Variants in SPOCK3 observed in about 807,000 individuals in gnomAD.
The protein encoded by SPOCK3 is SPARC (osteonectin), cwcv and kazal like domains proteoglycan 3.
Under a neutral mutation model 56.6 loss-of-function variants are expected in SPOCK3, and 30 were observed. The ratio of observed to expected loss-of-function variants is 0.53; its 90% CI spans 0.40 to 0.72. The LOEUF is 0.72. Among genes scored for constraint, SPOCK3 ranks in the 30% least tolerant of loss-of-function variants. The probability of loss-of-function intolerance (pLI) is 0.00; values close to 1 mark genes in which losing one functional copy is unlikely to be tolerated. For missense variants in SPOCK3, 527 were observed against 530.0 expected, an observed-to-expected ratio of 0.99 and a Z score of 0.06; for synonymous variants, 196 against 183.3, an observed-to-expected ratio of 1.07 and a Z score of -0.56.
At chr4:166,843,046 C>T (rs1353433599) in intron 6 of SPOCK3, among the ~76,000 whole-genome samples, 6 of 152,232 alleles carry the variant, frequency 3.9e-5, no homozygotes, top group East Asian at 1.9e-4. Context: ...GCCTGGCGCA[C>T]CCTCCGCAGC....
intron 2 of SPOCK3, among the ~76,000 whole-genome samples, chr4:167,146,527 C>T (rs1023752454): frequency 4.6e-5 from 7 of 152,182 alleles, no homozygotes; most frequent in African/African-American, 1.2e-4. Context: ...AGCACCACAT[C>T]GCACTTATTC....
chr4:166,990,441 G>T (rs915316994), intron 4 of SPOCK3, among the ~76,000 whole-genome samples: 3 of 151,438 alleles, frequency 2.0e-5, no homozygotes, highest in Non-Finnish European at 1.5e-5. Flanking sequence ...AAAATCTAAA[G>T]AAAATAGTAA....
rs140957483 is a variant in SPOCK3, at chr4:166,913,778, G to GTC, written c.351-1037_351-1036dup. Among the ~76,000 whole-genome samples, 724 of 149,492 alleles carry GTC rather than the reference G, an allele frequency of 4.8e-3. 4 individuals are homozygous for GTC. Among genetic ancestry groups the GTC allele is most frequent in the African/African-American group, 0.014 (577 of 40,800 alleles). On this transcript the variant is annotated intron_variant, in intron 4 of 10. Coordinates refer to ENST00000357545, the MANE Select transcript of SPOCK3 (RefSeq NM_001040159.2). ...GGGCATTACACATAGATTATTTTCT[G>GTC]TCTCTCTCTCTCTCTCTCTCAAAGA...
At chr4:166,931,550 C>T (rs1228323776) in intron 4 of SPOCK3, among the ~76,000 whole-genome samples, 1 of 152,126 alleles carries the variant, frequency 6.6e-6, no homozygotes, top group African/African-American at 2.4e-5. Flanking sequence ...TCTTAATTTA[C>T]TCTATGCCTA....
intron 3 of SPOCK3, among the ~76,000 whole-genome samples, chr4:167,055,336 T>C (rs1419794231): frequency 2.0e-5 from 3 of 152,096 alleles, no homozygotes; most frequent in Admixed American, 2.0e-4. Flanking sequence ...GATGGCCAAA[T>C]AGGAACAGCT....
intron 6 of SPOCK3, among the ~76,000 whole-genome samples, chr4:166,814,562 T>G (rs1438202926): frequency 1.3e-5 from 2 of 152,104 alleles, no homozygotes; most frequent in Non-Finnish European, 2.9e-5. Flanking sequence ...GGATGTTTCC[T>G]TCTATTCCTC....
At chr4:166,948,251 T>C (rs974029339) in intron 4 of SPOCK3, among the ~76,000 whole-genome samples, 1 of 152,232 alleles carries the variant, frequency 6.6e-6, no homozygotes, top group African/African-American at 2.4e-5. Flanking sequence ...TCTTTACCCA[T>C]TTATCTGTTG....
At position 167,209,250 on chromosome 4, in the gene SPOCK3, T is replaced by C. The variant is rs553914953; in HGVS notation, c.189+24735A>G. 7.2e-5 allele frequency among the ~76,000 whole-genome samples: 11 copies of C among 152,236 alleles called. No homozygotes were observed. In the South Asian group the frequency reaches 2.3e-3, roughly 32 times the overall value. On this transcript the variant is annotated intron_variant, in intron 2 of 10. Transcript: ENST00000357545. ...GGAAATGTAGTGGTTTCTCCTGAAC[T>C]CCCAATATATCAGTTTTCTAAGTAA...
chr4:167,096,596 A>AATT (rs1189699145), intron 2 of SPOCK3, among the ~76,000 whole-genome samples: 1 of 151,816 alleles, frequency 6.6e-6, no homozygotes, highest in Non-Finnish European at 1.5e-5. Flanking sequence ...ATTTATAATA[A>AATT]ATTCTGTTAT....
chr4:166,950,642 G>C (rs933263894), intron 4 of SPOCK3, among the ~76,000 whole-genome samples: 1 of 149,918 alleles, frequency 6.7e-6, no homozygotes, highest in African/African-American at 2.5e-5. Flanking sequence ...ATTTTTTTCA[G>C]CACCACACCA....
intron 2 of SPOCK3, among the ~76,000 whole-genome samples, chr4:167,143,126 G>A (rs1055686376): frequency 7.9e-5 from 12 of 151,990 alleles, no homozygotes; most frequent in Admixed American, 3.9e-4. Context: ...CACTATTCAA[G>A]TCTTTAAAAC....
intron 4 of SPOCK3, 140 bp from the exon 5 acceptor site, chr4:166,912,883 T>C (rs1173986614): frequency 1.4e-6 from 1 of 696,046 alleles, no homozygotes; most frequent in South Asian, 2.8e-5. Flanking sequence ...TTTTAATTTA[T>C]TATTTCATGC....
chr4:166,894,643 C>T, intron 5 of SPOCK3, among the ~76,000 whole-genome samples: 1 of 152,080 alleles, frequency 6.6e-6, no homozygotes, highest in East Asian at 1.9e-4. Context: ...GTGTGCAATC[C>T]TTGTCATGTA....
chr4:167,172,689 T>C (rs988108198), intron 2 of SPOCK3, among the ~76,000 whole-genome samples: 1 of 152,188 alleles, frequency 6.6e-6, no homozygotes, highest in African/African-American at 2.4e-5. Flanking sequence ...TGACTTATAA[T>C]AAACATTTTT....
At chr4:166,832,464 G>A (rs1476760425) in intron 6 of SPOCK3, among the ~76,000 whole-genome samples, 1 of 151,914 alleles carries the variant, frequency 6.6e-6, no homozygotes, top group African/African-American at 2.4e-5. Context: ...CTTTGTTGGT[G>A]GGAATATAAA....
chr4:167,218,820 A>C (rs1735621623), intron 2 of SPOCK3, among the ~76,000 whole-genome samples: 1 of 152,138 alleles, frequency 6.6e-6, no homozygotes, highest in Non-Finnish European at 1.5e-5. Context: ...TTAGCAAAGA[A>C]AGTTAGCATA....
intron 2 of SPOCK3, among the ~76,000 whole-genome samples, chr4:167,108,304 G>A (rs1298842195): frequency 6.6e-6 from 1 of 151,864 alleles, no homozygotes; most frequent in East Asian, 1.9e-4. Flanking sequence ...CCGCTGCTAG[G>A]TACATACCCA....
Position 166,924,254 on chromosome 4 carries a change from C to T in SPOCK3, c.351-11511G>A, listed in dbSNP as rs537244236. Among the ~76,000 whole-genome samples the T allele has an allele frequency of 2.1e-4, 32 of 152,212 alleles. 1 individual carries two copies. The Middle Eastern group carries it at 0.01, about 49-fold the overall frequency. ...ATTTCTTCCCTTTGGTAGGTTCAGC[C>T]TATCAAAGACTCTTTTCTGCCCTGT... is the stretch of plus-strand genomic sequence containing the variant. On this transcript the variant is annotated intron_variant, in intron 4 of 10. Coordinates refer to ENST00000357545, the MANE Select transcript of SPOCK3 (RefSeq NM_001040159.2).
At chr4:167,030,083 TTCTA>T (rs59694023) in intron 3 of SPOCK3, among the ~76,000 whole-genome samples, 28,102 of 141,250 alleles carry the variant, frequency 0.2, 3,059 homozygotes, top group East Asian at 0.27. Context: ...TAATGGCTCA[TTCTA>T]TCTATCTATC....
Sources: gnomAD v4.1 joint callset for allele counts (sites outside exome capture counted in the v4.1 genomes callset) on GRCh38, gnomAD v4.1.1 for gene constraint, MANE v1.5 for transcripts, NCBI Gene and HGNC (gene_info 2026-07-23, HGNC 2026-07-21) for gene names.